NAALADL2: variants seen among roughly 807,000 people sequenced by gnomAD.
NAALADL2 encodes the protein N-acetylated alpha-linked acidic dipeptidase like 2.
In NAALADL2, 76 loss-of-function variants were observed where a neutral mutation model predicts 87.2. The ratio of observed to expected loss-of-function variants is 0.87; its 90% CI spans 0.72 to 1.05. NAALADL2 has a LOEUF of 1.05. NAALADL2 is among the 50% of genes least tolerant of loss of function. The pLI is 0.00. For synonymous variants in NAALADL2, 354 were observed against 331.0 expected (o/e 1.07, Z -0.75); for missense variants, 1,089 against 945.8 (o/e 1.15, Z -1.99).
At chr3:175,444,493 G>A (rs1218007043) in intron 5 of NAALADL2, among the ~76,000 whole-genome samples, 2 of 152,160 alleles carry the variant, frequency 1.3e-5, no homozygotes, top group African/African-American at 4.8e-5. Flanking sequence ...TCAGTAGGTT[G>A]TACAACTATT....
At chr3:175,760,360 CCT>C (rs1747841122) in intron 13 of NAALADL2, among the ~76,000 whole-genome samples, 1 of 152,074 alleles carries the variant, frequency 6.6e-6, no homozygotes, top group Admixed American at 6.6e-5. Context: ...AGCCTCACAG[CCT>C]CTGTTTTCAA....
At position 174,749,353 on chromosome 3, in the gene NAALADL2, T is replaced by C. The variant is rs563182649; in HGVS notation, c.-9+11607T>C. Among the ~76,000 whole-genome samples the C allele has an allele frequency of 3.3e-5, 5 of 152,342 alleles. No homozygotes were observed. In the East Asian group the frequency reaches 9.6e-4, roughly 29 times the overall value. ...CATTACCTCAAGACAAAGCACATAG[T>C]AAATCCACAGGCAATGTCTAAAACG... On this transcript the variant is annotated intron_variant, in intron 3 of 3. Transcript: ENST00000434257.
chr3:175,253,595 A>G (rs1749427127), intron 3 of NAALADL2, among the ~76,000 whole-genome samples: 1 of 152,194 alleles, frequency 6.6e-6, no homozygotes, highest in Admixed American at 6.5e-5. Flanking sequence ...TAAGAAATAT[A>G]TTTGTAAGAT....
At chr3:174,608,119 G>T (rs1344365297) in intron 2 of NAALADL2, among the ~76,000 whole-genome samples, 3 of 151,622 alleles carry the variant, frequency 2.0e-5, no homozygotes, top group Admixed American at 6.6e-5. Flanking sequence ...TGAAACCAAC[G>T]AGAACAAAGA....
At chr3:174,733,260 C>T (rs1198827460) in intron 2 of NAALADL2, among the ~76,000 whole-genome samples, 1 of 152,174 alleles carries the variant, frequency 6.6e-6, no homozygotes, top group African/African-American at 2.4e-5. Flanking sequence ...GCAAGTTTTT[C>T]TGCAACCTGA....
At chr3:175,135,080 G>C (rs986818419) in intron 2 of NAALADL2, among the ~76,000 whole-genome samples, 4 of 152,048 alleles carry the variant, frequency 2.6e-5, no homozygotes, top group East Asian at 1.9e-4. Flanking sequence ...TTAACAAATA[G>C]ATGGCTCCTG....
At chr3:175,727,013 C>A (rs1339254101) in intron 11 of NAALADL2, among the ~76,000 whole-genome samples, 1 of 152,140 alleles carries the variant, frequency 6.6e-6, no homozygotes, top group Non-Finnish European at 1.5e-5. Context: ...AAGTTAAGAG[C>A]CCAACTCTTT....
At chr3:175,462,370 T>C (rs1723277235) in intron 6 of NAALADL2, among the ~76,000 whole-genome samples, 1 of 152,156 alleles carries the variant, frequency 6.6e-6, no homozygotes, top group Admixed American at 6.6e-5. Context: ...TCTAAAGGCC[T>C]CTTTACTTTT....
intron 1 of NAALADL2, among the ~76,000 whole-genome samples, chr3:174,505,540 A>G (rs1265254137): frequency 6.7e-6 from 1 of 149,122 alleles, no homozygotes; most frequent in Non-Finnish European, 1.5e-5. Context: ...AATAATTTTA[A>G]ATGAAATGAA....
At chr3:175,550,629 T>C (rs569860788) in intron 9 of NAALADL2, among the ~76,000 whole-genome samples, 10 of 152,316 alleles carry the variant, frequency 6.6e-5, no homozygotes, top group African/African-American at 2.4e-4. Context: ...AGGAAGGTCT[T>C]AATATTGTCC....
chr3:175,445,146 G>A (rs1720487777), intron 5 of NAALADL2, among the ~76,000 whole-genome samples: 1 of 152,068 alleles, frequency 6.6e-6, no homozygotes, highest in Non-Finnish European at 1.5e-5. Flanking sequence ...TCATTCTGTT[G>A]GGTATTTCCT....
chr3:174,738,106 T>C (rs1343069949), intron 3 of NAALADL2, among the ~76,000 whole-genome samples: 4 of 152,202 alleles, frequency 2.6e-5, no homozygotes, highest in Admixed American at 1.3e-4. Flanking sequence ...GTGATTTTTA[T>C]TGAAAAATCA....
intron 2 of NAALADL2, among the ~76,000 whole-genome samples, chr3:174,604,603 C>A (rs1203343238): frequency 6.7e-6 from 1 of 149,506 alleles, no homozygotes; most frequent in Non-Finnish European, 1.5e-5. Context: ...TTATTCCTGT[C>A]ATTTTGTTAT....
intron 2 of NAALADL2, among the ~76,000 whole-genome samples, chr3:175,181,179 T>G (rs916850070): frequency 9.9e-5 from 15 of 152,076 alleles, no homozygotes; most frequent in African/African-American, 3.6e-4. Context: ...TCTAGATCTA[T>G]TTATCCTAGT....
intron 2 of NAALADL2, among the ~76,000 whole-genome samples, chr3:175,098,704 G>T (rs1461257): frequency 1.3e-5 from 2 of 151,808 alleles, no homozygotes; most frequent in Non-Finnish European, 2.9e-5. Flanking sequence ...CAGAAAAAGG[G>T]AAAGTTGCAG....
rs553641367 is a variant in NAALADL2, at chr3:175,260,432, T to A, written c.939+3902T>A. Reference sequence around the variant, plus strand: ...GTCCCAGAGATTTGGGGGAACTCATTGCTGCTGTATCTTTCAATATACATT... The same window carrying A: ...GTCCCAGAGATTTGGGGGAACTCATAGCTGCTGTATCTTTCAATATACATT... On this transcript the variant is annotated intron_variant, in intron 4 of 13. Coordinates refer to ENST00000454872, the MANE Select transcript of NAALADL2 (RefSeq NM_207015.3). Among the ~76,000 whole-genome samples the A allele has an allele frequency of 9.8e-5, 15 of 152,302 alleles. No homozygotes were observed. In the South Asian group the frequency reaches 2.9e-3, roughly 29 times the overall value.
At chr3:175,579,316 AT>A (rs541404460) in intron 10 of NAALADL2, among the ~76,000 whole-genome samples, 147 of 152,294 alleles carry the variant, frequency 9.7e-4, no homozygotes, top group Admixed American at 2.0e-3. Flanking sequence ...CTGTAGGAAA[AT>A]AAACTAGTGC....
At chr3:175,759,097 C>A (rs1279580392) in intron 13 of NAALADL2, among the ~76,000 whole-genome samples, 1 of 152,022 alleles carries the variant, frequency 6.6e-6, no homozygotes, top group Non-Finnish European at 1.5e-5. Flanking sequence ...AATTTTGAAT[C>A]CTATGATGTT....
intron 6 of NAALADL2, among the ~76,000 whole-genome samples, chr3:175,456,139 A>G (rs1320106535): frequency 6.6e-6 from 1 of 152,074 alleles, no homozygotes; most frequent in Non-Finnish European, 1.5e-5. Context: ...TTATCACGGA[A>G]GAAGAAGATT....
Sources: allele counts gnomAD v4.1 joint callset (sites outside exome capture counted in the v4.1 genomes callset), GRCh38; gene constraint gnomAD v4.1.1; transcripts MANE v1.5; gene names NCBI Gene and HGNC (gene_info 2026-07-23, HGNC 2026-07-21).